Variants in ATF7 observed in about 807,000 individuals in gnomAD.
ATF7 encodes activating transcription factor 7.
A neutral mutation model predicts 50.4 loss-of-function variants in ATF7; 10 were observed. The ratio of observed to expected loss-of-function variants is 0.20; its 90% CI spans 0.12 to 0.34. The LOEUF is 0.34. Ranked by LOEUF, ATF7 falls within the 10% of genes least tolerant of loss-of-function variation. ATF7 has a pLI of 1.00. For missense variants in ATF7, 465 were observed against 613.9 expected (o/e 0.76, Z 2.56); for synonymous variants, 201 against 226.4 (o/e 0.89, Z 1.01).
chr12:53,544,393 T>A (rs1461792793), intron 3 of ATF7, among the ~76,000 whole-genome samples: 1 of 152,188 alleles, frequency 6.6e-6, no homozygotes, highest in Non-Finnish European at 1.5e-5. Context: ...CTAGAATGAA[T>A]GACAGAAATA....
At chr12:53,609,195 C>T (rs1346503839) in intron 1 of ATF7, among the ~76,000 whole-genome samples, 1 of 149,224 alleles carries the variant, frequency 6.7e-6, no homozygotes, top group African/African-American at 2.5e-5. Flanking sequence ...GCTCTTGTTG[C>T]CCAGGCTGGA....
rs185001924 is a variant in ATF7, at chr12:53,559,781, T to C, written c.49-7144A>G. 8.5e-5 allele frequency among the ~76,000 whole-genome samples: 13 copies of C among 152,156 alleles called. No homozygotes were observed. In the East Asian group the frequency reaches 2.5e-3, roughly 29 times the overall value. On this transcript the variant is annotated intron_variant, in intron 2 of 11. Transcript: ENST00000420353. Reference sequence around the variant, plus strand: ...TGTAATCACTACCCAGTTCAAGGCATGAAACATTTCAGACATCACTGAAGC... The same window carrying C: ...TGTAATCACTACCCAGTTCAAGGCACGAAACATTTCAGACATCACTGAAGC...
intron 2 of ATF7, among the ~76,000 whole-genome samples, chr12:53,587,354 G>A (rs1406607864): frequency 1.8e-5 from 1 of 55,968 alleles, no homozygotes; most frequent in East Asian, 5.1e-3. Context: ...GTGACAGAGC[G>A]AAATTCCGCA....
intron 6 of ATF7, 84 bp from the exon 7 acceptor site, chr12:53,533,343 G>C: frequency 8.6e-7 from 1 of 1,167,788 alleles, no homozygotes; most frequent in South Asian, 1.3e-5. Flanking sequence ...AGATTTTCCA[G>C]TCTTCTCTAG....
rs578103228 is a variant in ATF7, at chr12:53,533,467, T to C, written c.561-208A>G. Among the ~76,000 whole-genome samples, 3 of 152,332 alleles carry C rather than the reference T, an allele frequency of 2.0e-5. No homozygotes were observed. The South Asian group carries it at 6.2e-4, about 32-fold the overall frequency. The stretch of plus-strand genomic sequence containing the variant: ...ATGGAGAAAAATGGCAAAATCTTTA[T>C]ACTTTGCAAATTAAGCAAACTCAAA... On this transcript the variant is annotated intron_variant, in intron 6 of 11. Coordinates refer to ENST00000420353, the MANE Select transcript of ATF7 (RefSeq NM_006856.3).
downstream of ATF7, among the ~76,000 whole-genome samples, chr12:53,508,862 G>A (rs1049565964): frequency 2.0e-5 from 3 of 152,196 alleles, no homozygotes; most frequent in Non-Finnish European, 2.9e-5. Context: ...AGTCCCAGAA[G>A]GACAGGAGCA....
At chr12:53,557,863 C>T (rs1317329458) in intron 2 of ATF7, among the ~76,000 whole-genome samples, 1 of 152,130 alleles carries the variant, frequency 6.6e-6, no homozygotes, top group South Asian at 2.1e-4. Context: ...AGTAAAATAT[C>T]TTGTTAATAA....
chr12:53,536,067 C>G (rs1259249777), intron 5 of ATF7, among the ~76,000 whole-genome samples: 2 of 152,022 alleles, frequency 1.3e-5, no homozygotes, highest in African/African-American at 4.8e-5. Flanking sequence ...AATCAGGATA[C>G]AGACCATTTC....
At chr12:53,510,372 C>G (rs1944107346), downstream of ATF7, among the ~76,000 whole-genome samples, 1 of 152,150 alleles carries the variant, frequency 6.6e-6, no homozygotes, top group Non-Finnish European at 1.5e-5. Context: ...GTATCAAGGC[C>G]ACGGGGAGAT....
intron 1 of ATF7, among the ~76,000 whole-genome samples, chr12:53,622,038 T>A (rs1462994939): frequency 6.6e-6 from 1 of 151,978 alleles, no homozygotes; most frequent in Non-Finnish European, 1.5e-5. Context: ...CAGTGGCTCA[T>A]GCCTGTAATT....
At chr12:53,572,527 G>A (rs993623632) in intron 2 of ATF7, among the ~76,000 whole-genome samples, 3 of 152,230 alleles carry the variant, frequency 2.0e-5, no homozygotes, top group South Asian at 2.1e-4. Flanking sequence ...AGGTTCTTAC[G>A]GTGAATATCA....
intron 4 of ATF7, chr12:53,542,755 G>GTAA (rs1319458033): frequency 4.0e-6 from 1 of 251,390 alleles, no homozygotes; most frequent in Non-Finnish European, 6.3e-6. Context: ...AAGTGACATA[G>GTAA]TTTATAGTTC....
chr12:53,549,801 G>T (rs1242973933), intron 3 of ATF7, among the ~76,000 whole-genome samples: 1 of 151,996 alleles, frequency 6.6e-6, no homozygotes, highest in Non-Finnish European at 1.5e-5. Flanking sequence ...GGCCAGGCTT[G>T]TCTCGAACTC....
intron 2 of ATF7, among the ~76,000 whole-genome samples, chr12:53,576,725 C>T (rs909638909): frequency 1.3e-5 from 2 of 151,888 alleles, no homozygotes; most frequent in African/African-American, 4.8e-5. Context: ...AACAAACAAA[C>T]AAGAAACGCT....
At chr12:53,611,958 T>C (rs1943898448) in intron 1 of ATF7, among the ~76,000 whole-genome samples, 1 of 152,086 alleles carries the variant, frequency 6.6e-6, no homozygotes, top group Admixed American at 6.6e-5. Flanking sequence ...ATGTGAAAAT[T>C]ATAGGAAAAC....
intron 2 of ATF7, among the ~76,000 whole-genome samples, chr12:53,590,106 G>T (rs188828622): frequency 3.3e-4 from 50 of 152,174 alleles, no homozygotes; most frequent in African/African-American, 1.1e-3. Context: ...AAGTAAATCT[G>T]CTTATCTTGC....
intron 5 of ATF7, 103 bp downstream of exon 5, chr12:53,537,312 T>C: frequency 7.2e-7 from 1 of 1,387,670 alleles, no homozygotes; most frequent in Non-Finnish European, 9.7e-7. Flanking sequence ...CAAGTGATTC[T>C]CCCATCTTGG....
At chr12:53,525,471 T>C (rs1199227354) in intron 9 of ATF7, among the ~76,000 whole-genome samples, 1 of 152,210 alleles carries the variant, frequency 6.6e-6, no homozygotes, top group Non-Finnish European at 1.5e-5. Context: ...ATCACTGATT[T>C]GGACAAGTGA....
Position 53,524,887 on chromosome 12 carries a change from G to A in ATF7, c.928-126C>T, listed in dbSNP as rs1268511707. The A allele has an allele frequency of 2.2e-6, 2 of 898,990 alleles. No individual in the cohort carries two copies. Among genetic ancestry groups the A allele is most frequent in the African/African-American group, 3.4e-5 (2 of 58,792 alleles). 55.7% of individuals were successfully genotyped at this position (898,990 alleles called of 1,614,324 possible). ...TACCAGCCTCTGGTAACCACAGCAAGTCTCATTACTATGTCCCCAAGCTTC... is the reference window on the plus strand; with the variant it reads ...TACCAGCCTCTGGTAACCACAGCAAATCTCATTACTATGTCCCCAAGCTTC... On this transcript the variant is annotated intron_variant, in intron 9 of 11. Coordinates refer to ENST00000420353, the MANE Select transcript of ATF7 (RefSeq NM_006856.3). This position sits in a 1 kb window ranked among gnomAD's most constrained non-coding sequence, Gnocchi z 4.6.
Sources: allele counts gnomAD v4.1 joint callset (sites outside exome capture counted in the v4.1 genomes callset), GRCh38; gene constraint gnomAD v4.1.1; non-coding constraint Gnocchi (gnomAD v3.1); transcripts MANE v1.5; gene names NCBI Gene and HGNC (gene_info 2026-07-23, HGNC 2026-07-21).